Variants in CNOT3 observed in about 807,000 individuals in gnomAD.
CNOT3 encodes the protein CCR4-associated factor 3.
CNOT3 carries 2 observed loss-of-function variants against 89.4 expected under a neutral mutation model. The ratio of observed to expected loss-of-function variants is 0.02; its 90% CI spans 0.01 to 0.07. The LOEUF (loss-of-function observed/expected upper bound fraction) is 0.07. CNOT3 is among the 10% of genes least tolerant of loss of function. The pLI is 1.00. For missense variants in CNOT3, 664 were observed against 1,010.2 expected (o/e 0.66, Z 4.65); for synonymous variants, 486 against 402.0 (o/e 1.21, Z -2.50).
At position 54,155,452 on chromosome 19, in the gene CNOT3, C is replaced by G. The variant is rs753380157; in HGVS notation, c.*45C>G. On this transcript the variant is annotated 3_prime_UTR_variant, in exon 18 of 18. Coordinates refer to ENST00000221232, the MANE Select transcript of CNOT3 (RefSeq NM_014516.4). ...CCACCCCCTTCCCCCGCATGCTGAT[C>G]CCCCTGCCCAGGTGAGGGCCCTGCC... The G allele has an allele frequency of 6.5e-5, 80 of 1,237,926 alleles. No individual in the cohort carries two copies. Among genetic ancestry groups the G allele is most frequent in the Non-Finnish European group, 7.6e-5 (67 of 878,682 alleles). 76.7% of individuals were successfully genotyped at this position (1,237,926 alleles called of 1,614,324 possible).
intron 1 of CNOT3, among the ~76,000 whole-genome samples, chr19:54,140,109 G>T (rs1362625546): frequency 6.6e-6 from 1 of 152,160 alleles, no homozygotes; most frequent in Non-Finnish European, 1.5e-5. Context: ...TCCCAGGGCT[G>T]ACCTCCTGCC....
Position 54,144,227 on chromosome 19 carries a change from C to T in CNOT3, c.388-10C>T. The T allele has an allele frequency of 6.2e-7, 1 of 1,613,806 alleles. No homozygotes were observed. Reference sequence around the variant, plus strand: ...AGCTGATGGGCTTCCTCTTCCTCTCCCTCCCCTAGAATACCATCGACACGC... The same window carrying T: ...AGCTGATGGGCTTCCTCTTCCTCTCTCTCCCCTAGAATACCATCGACACGC... On this transcript the variant is annotated splice_polypyrimidine_tract_variant and intron_variant, in intron 6 of 17. Coordinates refer to ENST00000221232, the MANE Select transcript of CNOT3 (RefSeq NM_014516.4). The surrounding 1 kb of genome is among the most constrained non-coding windows in gnomAD (Gnocchi z 4.8).
Position 54,145,357 on chromosome 19 carries a change from C to T in CNOT3, c.484-241C>T, listed in dbSNP as rs1268655451. Among the ~76,000 whole-genome samples the T allele has an allele frequency of 2.0e-5, 3 of 152,050 alleles. No homozygotes were observed. In the East Asian group the frequency reaches 5.8e-4, roughly 29 times the overall value. On this transcript the variant is annotated intron_variant, in intron 7 of 17. Transcript: ENST00000221232. The surrounding 1 kb of genome is among the most constrained non-coding windows in gnomAD (Gnocchi z 5.9). ...GGTCTTTTAGAGGTTTCCAAGGACT[C>T]CTGGAGCCAGAAAGGTGTGGGGAGA...
intron 10 of CNOT3, among the ~76,000 whole-genome samples, chr19:54,147,289 C>A (rs1347322900): frequency 6.6e-6 from 1 of 152,218 alleles, no homozygotes; most frequent in Non-Finnish European, 1.5e-5. Context: ...TGAGGCCCCT[C>A]TGTGGGCTAA....
rs148179393 is a variant in CNOT3, at chr19:54,144,251, G to C, written c.402G>C (p.Thr134=). Residue 134 remains threonine, a synonymous_variant, in exon 7 of 18, where the codon ACG becomes ACC. Transcript: ENST00000221232. This position sits in a 1 kb window ranked among gnomAD's most constrained non-coding sequence, Gnocchi z 4.8. The part of the protein sequence containing the change: ...VGQWLTNTID[T]LNMQVDQFES... ...CCCTCCCCTAGAATACCATCGACAC[G>C]CTCAACATGCAGGTGGACCAGTTTG... is the stretch of plus-strand genomic sequence containing the variant. 6.8e-6 allele frequency: 11 copies of C among 1,613,968 alleles called. No homozygotes were observed. The African/African-American group carries it at 1.5e-4, about 22-fold the overall frequency.
At position 54,152,591 on chromosome 19, in the gene CNOT3, C is replaced by T. The variant is rs753656780; in HGVS notation, c.1869C>T (p.His623=). 1 of 1,613,842 alleles carries T rather than the reference C, an allele frequency of 6.2e-7. No homozygotes were observed. Among genetic ancestry groups the T allele is most frequent in the Non-Finnish European group, 8.5e-7 (1 of 1,179,874 alleles). The part of the protein sequence containing the change: ...YQQAMEEAAW[H]HMPHPSDSER... ...AGGCCATGGAAGAGGCCGCCTGGCA[C>T]CACATGCCTCACCCCTCTGACTCTG... Residue 623 remains histidine (H), a synonymous_variant, in exon 15 of 18, where the codon CAC becomes CAT. Coordinates refer to ENST00000221232, the MANE Select transcript of CNOT3 (RefSeq NM_014516.4).
intron 1 of CNOT3, among the ~76,000 whole-genome samples, chr19:54,138,346 C>T (rs1352793313): frequency 3.3e-5 from 5 of 152,158 alleles, no homozygotes; most frequent in South Asian, 2.1e-4. Flanking sequence ...AGGTGCCCGC[C>T]CCTCTCCGCG....
At chr19:54,143,831 C>A in intron 5 of CNOT3, 82 bp downstream of exon 5, 1 of 1,512,880 alleles carries the variant, frequency 6.6e-7, no homozygotes, top group Non-Finnish European at 9.1e-7. Flanking sequence ...GCAGAGCGGC[C>A]AGACCCCAGA....
At chr19:54,142,827 T>G in intron 1 of CNOT3, 102 bp from the exon 2 acceptor site, 1 of 744,552 alleles carries the variant, frequency 1.3e-6, no homozygotes, top group Non-Finnish European at 2.4e-6. Flanking sequence ...GCTTCTTCTC[T>G]TTACCAGTCC....
intron 13 of CNOT3, 64 bp from the exon 14 acceptor site, chr19:54,152,162 G>A (rs1000578340): frequency 6.4e-7 from 1 of 1,570,724 alleles, no homozygotes; most frequent in African/African-American, 1.4e-5. Context: ...TCTGGGGCCT[G>A]TGTCAGGCTG....
chr19:54,154,095 C>G (rs2075292708), intron 17 of CNOT3: 4 of 683,148 alleles, frequency 5.9e-6, no homozygotes, highest in East Asian at 5.8e-5. Flanking sequence ...CTTCCTGGAG[C>G]CACCCAGCCC....
intron 13 of CNOT3, 84 bp from the exon 14 acceptor site, chr19:54,152,142 G>A (rs1404263695): frequency 6.2e-6 from 9 of 1,461,630 alleles, no homozygotes; most frequent in Non-Finnish European, 8.6e-6. Context: ...AAACAGGGCA[G>A]GTGAGAGCAT....
At chr19:54,146,140 T>C (rs1201445515) in intron 9 of CNOT3, 97 bp downstream of exon 9, 16 of 1,335,736 alleles carry the variant, frequency 1.2e-5, no homozygotes, top group African/African-American at 5.7e-5. Context: ...GGGAGCGTAA[T>C]TGAGGAAACA....
chr19:54,152,377 C>T, intron 14 of CNOT3, 51 bp from the exon 15 acceptor site: 1 of 1,613,786 alleles, frequency 6.2e-7, no homozygotes, highest in Non-Finnish European at 8.5e-7. Flanking sequence ...GAGGGGCTGC[C>T]CCTGACCCAT....
chr19:54,138,170 C>T (rs1227739602), intron 1 of CNOT3, among the ~76,000 whole-genome samples, 177 bp downstream of exon 1: 1 of 151,770 alleles, frequency 6.6e-6, no homozygotes, highest in Non-Finnish European at 1.5e-5. Context: ...GGGGGCGGCT[C>T]CCTCCCTCTC....
At position 54,141,224 on chromosome 19, in the gene CNOT3, G is replaced by A. The variant is rs2074436369; in HGVS notation, c.-50-1705G>A. 2.0e-5 allele frequency among the ~76,000 whole-genome samples: 3 copies of A among 152,152 alleles called. No homozygotes were observed. In the South Asian group the frequency reaches 6.2e-4, roughly 31 times the overall value. On this transcript the variant is annotated intron_variant, in intron 1 of 17. Coordinates refer to ENST00000221232, the MANE Select transcript of CNOT3 (RefSeq NM_014516.4). ...CACCTTCTCCTGGGTCCTTTTGTTG[G>A]TTGCTTTGCCTTCTTAGAGATTCCC...
Position 54,145,855 on chromosome 19 carries a change from G to C in CNOT3, c.703+38G>C. The C allele has an allele frequency of 6.2e-7, 1 of 1,609,266 alleles. No homozygotes were observed. Among genetic ancestry groups the C allele is most frequent in the East Asian group, 2.2e-5 (1 of 44,786 alleles). ...GGCTGATCGTGGCACAGGAAGTGAG[G>C]GCCCAGAATGGGCTGTGTGAGCCAG... On this transcript the variant is annotated intron_variant, in intron 8 of 17. Transcript: ENST00000221232. The surrounding 1 kb of genome is among the most constrained non-coding windows in gnomAD (Gnocchi z 5.9).
Position 54,148,063 on chromosome 19 carries a change from G to A in CNOT3, c.895-85G>A. On this transcript the variant is annotated intron_variant, in intron 10 of 17. Transcript: ENST00000221232. This position sits in a 1 kb window ranked among gnomAD's most constrained non-coding sequence, Gnocchi z 6.3. ...GCGAGGCCAGAGAGGAGGCTGCTGG[G>A]ACAAAGATGGAGCCTGAGGTGGGGG... The A allele has an allele frequency of 1.8e-6, 2 of 1,124,236 alleles. No individual in the cohort carries two copies. The allele number at this position is 1,124,236 out of a possible 1,614,324, so 69.6% of individuals were successfully genotyped here. A position where few individuals can be genotyped will look rare whatever the true frequency, so the allele number is the denominator to read the frequency against.
chr19:54,140,889 CAG>C (rs1281704141), intron 1 of CNOT3, among the ~76,000 whole-genome samples: 1 of 152,176 alleles, frequency 6.6e-6, no homozygotes, highest in Non-Finnish European at 1.5e-5. Flanking sequence ...TGTGGAGACA[CAG>C]GGAGGGCGTC....
Sources: allele counts gnomAD v4.1 joint callset (sites outside exome capture counted in the v4.1 genomes callset), GRCh38; gene constraint gnomAD v4.1.1; non-coding constraint Gnocchi (gnomAD v3.1); transcripts MANE v1.5; gene names NCBI Gene and HGNC (gene_info 2026-07-23, HGNC 2026-07-21).